The following ZFAND3 variants were observed in gnomAD, a reference collection of about 807,000 sequenced individuals.
ZFAND3 encodes zinc finger AN1-type containing 3, also known as AN1-type zinc finger protein 3.
ZFAND3 carries 10 observed loss-of-function variants against 29.6 expected under a neutral mutation model. That is an observed-to-expected ratio of 0.34 (90% CI 0.21 to 0.57). The LOEUF (loss-of-function observed/expected upper bound fraction) is 0.57, where lower values mean the gene tolerates loss of function less well. ZFAND3 is among the 20% of genes least tolerant of loss of function. The pLI is 0.86. For missense variants in ZFAND3, 230 were observed against 304.5 expected (o/e 0.76, Z 1.82); for synonymous variants, 128 against 112.6 (o/e 1.14, Z -0.87).
chr6:38,053,034 GAAAAAA>G (rs532652816), intron 2 of ZFAND3, among the ~76,000 whole-genome samples: 2 of 103,100 alleles, frequency 1.9e-5, no homozygotes, highest in African/African-American at 3.7e-5. Flanking sequence ...ACTCCATTTC[GAAAAAA>G]AAAAAAAAGA....
chr6:37,833,662 T>TA (rs1243231624), intron 1 of ZFAND3, among the ~76,000 whole-genome samples: 3 of 151,562 alleles, frequency 2.0e-5, no homozygotes, highest in African/African-American at 4.8e-5. Context: ...TCGTCTCTAC[T>TA]AAAAAATACA....
At chr6:38,052,995 C>G (rs1420611734) in intron 2 of ZFAND3, among the ~76,000 whole-genome samples, 4 of 149,912 alleles carry the variant, frequency 2.7e-5, no homozygotes, top group Non-Finnish European at 5.9e-5. Flanking sequence ...GATCGTGCCA[C>G]TGCACTCTAG....
chr6:38,030,677 A>G lies in ZFAND3; in HGVS notation c.113-30916A>G, dbSNP rs2127451509. ...AATTGTCAAGTTATAATGTAAGCAC[A>G]AGGAAAATACCCTGCAGAAATAAAG... On this transcript the variant is annotated intron_variant, in intron 2 of 5. Coordinates refer to ENST00000287218, the MANE Select transcript of ZFAND3 (RefSeq NM_021943.3). 2.0e-5 allele frequency among the ~76,000 whole-genome samples: 3 copies of G among 152,294 alleles called. No individual in the cohort carries two copies. The Middle Eastern group carries it at 0.01, about 518-fold the overall frequency.
chr6:37,958,618 T>G (rs1762142904), intron 2 of ZFAND3, among the ~76,000 whole-genome samples: 1 of 152,130 alleles, frequency 6.6e-6, no homozygotes, highest in African/African-American at 2.4e-5. Context: ...GACTTATACT[T>G]AGGGAAAAAA....
chr6:38,030,051 G>GATAGAT (rs1763524349), intron 2 of ZFAND3, among the ~76,000 whole-genome samples: 1 of 94,988 alleles, frequency 1.1e-5, no homozygotes, highest in Non-Finnish European at 2.0e-5. Flanking sequence ...AGTTCTGCTG[G>GATAGAT]ATATATATAT....
chr6:38,057,815 C>T (rs906502777), intron 2 of ZFAND3, among the ~76,000 whole-genome samples: 1 of 152,162 alleles, frequency 6.6e-6, no homozygotes, highest in East Asian at 1.9e-4. Flanking sequence ...AAAGCCATTA[C>T]AGGTTGTAAC....
At chr6:37,835,241 C>T (rs1192142581) in intron 1 of ZFAND3, among the ~76,000 whole-genome samples, 1 of 152,132 alleles carries the variant, frequency 6.6e-6, no homozygotes, top group Non-Finnish European at 1.5e-5. Context: ...CTCATTGCAG[C>T]CTCAGCCTAT....
intron 3 of ZFAND3, among the ~76,000 whole-genome samples, chr6:38,080,412 C>T (rs1764638970): frequency 6.6e-6 from 1 of 151,956 alleles, no homozygotes; most frequent in African/African-American, 2.4e-5. Context: ...GTAGCAATGA[C>T]CCAACAGTAG....
chr6:37,987,549 A>G (rs1426219102), intron 2 of ZFAND3, among the ~76,000 whole-genome samples: 1 of 152,208 alleles, frequency 6.6e-6, no homozygotes, highest in African/African-American at 2.4e-5. Flanking sequence ...ATCTCAGTGA[A>G]GTGATTGTAC....
intron 2 of ZFAND3, among the ~76,000 whole-genome samples, chr6:37,979,330 T>C (rs899173327): frequency 3.3e-5 from 5 of 152,204 alleles, no homozygotes; most frequent in Admixed American, 6.5e-5. Context: ...TTCTTACAAC[T>C]TTGTGTATTT....
At chr6:38,010,763 C>T (rs915454171) in intron 2 of ZFAND3, among the ~76,000 whole-genome samples, 3 of 151,836 alleles carry the variant, frequency 2.0e-5, no homozygotes, top group Non-Finnish European at 4.4e-5. Flanking sequence ...CCATGCCTGG[C>T]TAATTTTTTG....
At chr6:37,969,018 C>T (rs554313042) in intron 2 of ZFAND3, among the ~76,000 whole-genome samples, 1 of 152,304 alleles carries the variant, frequency 6.6e-6, no homozygotes, top group East Asian at 1.9e-4. Flanking sequence ...TTGGTGTAGC[C>T]TACTACACAC....
chr6:38,060,480 TTCCTG>T (rs368578954), intron 2 of ZFAND3, among the ~76,000 whole-genome samples: 2 of 150,668 alleles, frequency 1.3e-5, no homozygotes, highest in Non-Finnish European at 3.0e-5. Context: ...GCTTTCTCTG[TTCCTG>T]TCCTGTCCTG....
At chr6:38,060,761 T>C (rs543844644) in intron 2 of ZFAND3, among the ~76,000 whole-genome samples, 15 of 151,898 alleles carry the variant, frequency 9.9e-5, no homozygotes, top group Admixed American at 3.9e-4. Flanking sequence ...TGTTCATTTA[T>C]ATTTATTTGC....
At chr6:37,854,458 G>A (rs58305294) in intron 1 of ZFAND3, among the ~76,000 whole-genome samples, 4,480 of 152,250 alleles carry the variant, frequency 0.029, 171 homozygotes, top group African/African-American at 0.085. Context: ...TTTAGAGATT[G>A]TTGGAGGTGG....
chr6:37,932,851 A>G (rs1360845423), intron 2 of ZFAND3, among the ~76,000 whole-genome samples: 3 of 152,202 alleles, frequency 2.0e-5, no homozygotes, highest in African/African-American at 7.2e-5. Context: ...GACATTTTCA[A>G]GTATCTAAAG....
chr6:38,109,555 T>C (rs1765275399), intron 4 of ZFAND3, among the ~76,000 whole-genome samples: 1 of 152,102 alleles, frequency 6.6e-6, no homozygotes, highest in African/African-American at 2.4e-5. Flanking sequence ...CTTCTCCTGC[T>C]TGATCTTTTG....
chr6:37,823,622 G>A (rs552793870), intron 1 of ZFAND3, among the ~76,000 whole-genome samples: 2 of 152,250 alleles, frequency 1.3e-5, no homozygotes, highest in African/African-American at 4.8e-5. Flanking sequence ...GTAACACGTG[G>A]TTCCAGTTCT....
chr6:37,888,226 G>C (rs1224441615), intron 1 of ZFAND3, among the ~76,000 whole-genome samples: 1 of 152,104 alleles, frequency 6.6e-6, no homozygotes, highest in African/African-American at 2.4e-5. Context: ...AAATTTTAAT[G>C]TATGAGTAAA....
Sources: allele counts gnomAD v4.1 joint callset (sites outside exome capture counted in the v4.1 genomes callset), GRCh38; gene constraint gnomAD v4.1.1; transcripts MANE v1.5; gene names NCBI Gene and HGNC (gene_info 2026-07-23, HGNC 2026-07-21).